Variants in EXOC7 observed in about 807,000 individuals in gnomAD.
The protein encoded by EXOC7 is exocyst complex component 7, also known as exocyst complex component Exo70.
A neutral mutation model predicts 87.6 loss-of-function variants in EXOC7; 51 were observed. That is an observed-to-expected ratio of 0.58 (90% CI 0.46 to 0.73). The LOEUF is 0.73. Among genes scored for constraint, EXOC7 ranks in the 30% least tolerant of loss-of-function variants. The pLI, the probability that EXOC7 is intolerant of heterozygous loss-of-function variation, is 0.00. For synonymous variants in EXOC7, 327 were observed against 357.1 expected (o/e 0.92, Z 0.95); for missense variants, 744 against 888.4 (o/e 0.84, Z 2.07).
At chr17:76,090,375 A>G (rs1253831721) in intron 7 of EXOC7, 28 of 1,551,534 alleles carry the variant, frequency 1.8e-5, no homozygotes, top group Non-Finnish European at 2.4e-5. Flanking sequence ...ACAGGTGCTT[A>G]ACTCGGAAAT....
intron 6 of EXOC7, among the ~76,000 whole-genome samples, chr17:76,092,059 C>A (rs1304695407): frequency 6.6e-6 from 1 of 152,144 alleles, no homozygotes; most frequent in African/African-American, 2.4e-5. Context: ...GGCCAGAAGA[C>A]GTCGGGAAAT....
At chr17:76,086,875 T>A in intron 12 of EXOC7, 1 of 1,551,188 alleles carries the variant, frequency 6.4e-7, no homozygotes, top group Non-Finnish European at 8.7e-7. Context: ...AAAGGAATAT[T>A]GTATGTGTCC....
intron 4 of EXOC7, 173 bp from the exon 5 acceptor site, chr17:76,098,191 C>T (rs2067875664): frequency 3.4e-6 from 2 of 587,824 alleles, no homozygotes; most frequent in African/African-American, 3.7e-5. Flanking sequence ...GGCTGGAGTG[C>T]AGTGACACAA....
chr17:76,083,782 G>A (rs2067081895), intron 18 of EXOC7, 32 bp from the exon 19 acceptor site: 1 of 1,599,952 alleles, frequency 6.3e-7, no homozygotes, highest in African/African-American at 1.3e-5. Flanking sequence ...GGGACAGGGA[G>A]GGCCGACCCC....
chr17:76,082,185 G>A lies in EXOC7; in HGVS notation c.*1463C>T. On this transcript the variant is annotated 3_prime_UTR_variant, in exon 19 of 19. Transcript: ENST00000589210. ...CTCTCCTGTCCCTGGTCTCCACCAT[G>A]TCCTCCTCCCTTAGAAGAAACAGGT... The A allele has an allele frequency of 1.8e-6, 2 of 1,128,386 alleles. No individual in the cohort carries two copies. The highest frequency in any genetic ancestry group is 3.1e-5 in the South Asian group (2 of 64,552). 69.9% of individuals were successfully genotyped at this position (1,128,386 alleles called of 1,614,324 possible). A position where few individuals can be genotyped will look rare whatever the true frequency, so the allele number is the denominator to read the frequency against.
chr17:76,082,616 G>A lies in EXOC7; in HGVS notation c.*1032C>T, dbSNP rs757637109. ...GCGTGCAAGTCTGACGCAGCCCCTGGAGAGGCTGCACCCCATGGCAGGCGG... is the reference window on the plus strand; with the variant it reads ...GCGTGCAAGTCTGACGCAGCCCCTGAAGAGGCTGCACCCCATGGCAGGCGG... On this transcript the variant is annotated 3_prime_UTR_variant, in exon 19 of 19. Transcript: ENST00000589210. The A allele has an allele frequency of 1.9e-6, 3 of 1,613,104 alleles. No individual in the cohort carries two copies. Among genetic ancestry groups the A allele is most frequent in the South Asian group, 1.1e-5 (1 of 91,038 alleles).
intron 13 of EXOC7, 66 bp from the exon 14 acceptor site, chr17:76,085,863 C>A: frequency 6.3e-7 from 1 of 1,576,912 alleles, no homozygotes. Context: ...CACCCCAGGA[C>A]CCGCGAACGC....
In EXOC7 at chr17:76,090,364, G is replaced by A. The variant is rs1323187208; in HGVS notation, c.901+779C>T. 1.3e-6 allele frequency: 2 copies of A among 1,551,602 alleles called. No individual in the cohort carries two copies. The highest frequency in any genetic ancestry group is 3.9e-5 in the Admixed American group (2 of 50,990). On this transcript the variant is annotated intron_variant, in intron 7 of 18. Transcript: ENST00000589210. Reference sequence around the variant, plus strand: ...CCCGTGCTTGTCGTTCAAGGCCTCGGACAGGTGCTTAACTCGGAAATCATG... The same window carrying A: ...CCCGTGCTTGTCGTTCAAGGCCTCGAACAGGTGCTTAACTCGGAAATCATG...
At chr17:76,096,531 A>C (rs1281726308) in intron 5 of EXOC7, among the ~76,000 whole-genome samples, 1 of 151,636 alleles carries the variant, frequency 6.6e-6, no homozygotes, top group Non-Finnish European at 1.5e-5. Context: ...AAAAAAAAAA[A>C]AAGTGCAACA....
intron 12 of EXOC7, chr17:76,086,850 T>C: frequency 1.9e-6 from 3 of 1,551,054 alleles, no homozygotes; most frequent in Non-Finnish European, 2.6e-6. Flanking sequence ...ACCGCACTGC[T>C]TACCTCGGGG....
rs1488710140 is a variant in EXOC7 at position 76,098,010 on chromosome 17, G to C, written c.426C>G (p.Leu142=). ...DSPELNKVKL[L]FERGKEALES... Reference sequence around the variant, plus strand: ...CCAGGGCCTCCTTCCCGCGCTCAAAGAGCAGTTTCTGCACAGACAACAGAA... The same window carrying C: ...CCAGGGCCTCCTTCCCGCGCTCAAACAGCAGTTTCTGCACAGACAACAGAA... The change falls in exon 5 of 19, where the codon CTC becomes CTG. Residue 142 remains leucine, a synonymous_variant. Coordinates refer to ENST00000589210, the MANE Select transcript of EXOC7 (RefSeq NM_001013839.4). 1.2e-6 allele frequency: 2 copies of C among 1,614,032 alleles called. No homozygotes were observed. Among genetic ancestry groups the C allele is most frequent in the Non-Finnish European group, 1.7e-6 (2 of 1,180,020 alleles).
intron 7 of EXOC7, chr17:76,090,341 C>T (rs1424000009): frequency 1.2e-5 from 19 of 1,551,324 alleles, no homozygotes; most frequent in East Asian, 2.4e-5. Flanking sequence ...GCCAGCGGCC[C>T]GTGCTTGTCG....
At chr17:76,101,900 G>A in intron 2 of EXOC7, 37 bp from the exon 3 acceptor site, 8 of 1,569,102 alleles carry the variant, frequency 5.1e-6, no homozygotes, top group Non-Finnish European at 7.0e-6. Context: ...GGGACTCACA[G>A]TGGTCCCAGC....
intron 7 of EXOC7, chr17:76,090,436 A>G: frequency 6.4e-7 from 1 of 1,551,694 alleles, no homozygotes. Context: ...AGCAGCGTTT[A>G]TCCAGGGGCC....
rs368555798 is a variant in EXOC7, at chr17:76,089,177, G to T, written c.1045C>A (p.Gln349Lys). 3 of 1,613,124 alleles carry T rather than the reference G, an allele frequency of 1.9e-6. No homozygotes were observed. In the African/African-American group the frequency reaches 4.0e-5, roughly 22 times the overall value. Residue 349 changes from glutamine to lysine, a missense_variant and splice_region_variant, in exon 8 of 19, where the codon CAG becomes AAG. Transcript: ENST00000589210. ...HQKKTFDSLI[Q>K]DALDGLMLEG... ...GAGCCCCCGGGGCGGGGCGGGACCT[G>T]TATCAGGGAGTCGAAGGTCTTCTTC...
chr17:76,087,337 G>A (rs1598302290), intron 12 of EXOC7: 3 of 452,156 alleles, frequency 6.6e-6, no homozygotes, highest in East Asian at 8.0e-5. Flanking sequence ...GCAGACACGA[G>A]AGAAGGATTT....
chr17:76,100,513 C>T (rs1255026530), intron 4 of EXOC7, among the ~76,000 whole-genome samples: 4 of 151,824 alleles, frequency 2.6e-5, no homozygotes, highest in African/African-American at 7.3e-5. Context: ...GGCGCACACC[C>T]TCCCAGCTAC....
rs376260360 is a variant in EXOC7 at position 76,103,623 on chromosome 17, C to T, written c.60+10G>A. 8.1e-6 allele frequency: 13 copies of T among 1,613,488 alleles called. No individual in the cohort carries two copies. In the African/African-American group the frequency reaches 1.7e-4, roughly 22 times the overall value. On this transcript the variant is annotated intron_variant, in intron 1 of 18. Transcript: ENST00000589210. ...CACCTCCTCCCCAGCCTCCCCAGGC[C>T]CACGCCCACCTGCTTCAGCTTGTCC...
In EXOC7 at chr17:76,082,670, C is replaced by CT. The variant is rs1567952670; in HGVS notation, c.*977dup. 11 of 1,590,836 alleles carry CT rather than the reference C, an allele frequency of 6.9e-6. No homozygotes were observed. Among genetic ancestry groups the CT allele is most frequent in the Non-Finnish European group, 9.4e-6 (11 of 1,168,928 alleles). On this transcript the variant is annotated 3_prime_UTR_variant, in exon 19 of 19. Coordinates refer to ENST00000589210, the MANE Select transcript of EXOC7 (RefSeq NM_001013839.4). ...AGACTGTAAAGGGGCAGGGCCTGGG[C>CT]TGCACACCTTAGGATGAAGTTTGCT...
Sources: gnomAD v4.1 joint callset for allele counts (sites outside exome capture counted in the v4.1 genomes callset) on GRCh38, gnomAD v4.1.1 for gene constraint, MANE v1.5 for transcripts, NCBI Gene and HGNC (gene_info 2026-07-23, HGNC 2026-07-21) for gene names.